The following ACOT12 variants were observed in gnomAD, a reference collection of about 807,000 sequenced individuals.
ACOT12 encodes acyl-CoA thioesterase 12.
In ACOT12, 51 loss-of-function variants were observed where a neutral mutation model predicts 67.7. The ratio of observed to expected loss-of-function variants is 0.75; its 90% confidence interval spans 0.60 to 0.95. ACOT12 has a LOEUF of 0.95. ACOT12 is among the 40% of genes least tolerant of loss of function. ACOT12 has a pLI of 0.00. For synonymous variants in ACOT12, 251 were observed against 244.6 expected, an observed-to-expected ratio of 1.03 and a Z score of -0.24; for missense variants, 734 against 708.1, an observed-to-expected ratio of 1.04 and a Z score of -0.41.
chr5:81,337,367 G>A (rs1017206937), intron 11 of ACOT12, among the ~76,000 whole-genome samples: 4 of 152,234 alleles, frequency 2.6e-5, no homozygotes, highest in African/African-American at 7.2e-5. Flanking sequence ...CTTATTAAGA[G>A]TTGAATTATT....
chr5:81,367,101 C>T (rs527299802), intron 3 of ACOT12, among the ~76,000 whole-genome samples: 2 of 152,198 alleles, frequency 1.3e-5, no homozygotes, highest in South Asian at 2.1e-4. Context: ...AATTCTATAC[C>T]TACTGAATAT....
intron 2 of ACOT12, among the ~76,000 whole-genome samples, chr5:81,381,866 C>T (rs1760593161): frequency 1.3e-5 from 2 of 152,142 alleles, no homozygotes; most frequent in Non-Finnish European, 2.9e-5. Flanking sequence ...AGCTTAACCA[C>T]ATGGAAAATG....
At chr5:81,364,103 T>G (rs1316394399) in intron 3 of ACOT12, among the ~76,000 whole-genome samples, 1 of 152,060 alleles carries the variant, frequency 6.6e-6, no homozygotes, top group Non-Finnish European at 1.5e-5. Context: ...ATTTACCATG[T>G]CAAATTTATG....
At chr5:81,340,108 G>A (rs1759143672) in intron 11 of ACOT12, among the ~76,000 whole-genome samples, 1 of 151,700 alleles carries the variant, frequency 6.6e-6, no homozygotes, top group Non-Finnish European at 1.5e-5. Flanking sequence ...CACAATCTCG[G>A]CTCACTGCAA....
chr5:81,354,688 T>C (rs1308084581), intron 5 of ACOT12, among the ~76,000 whole-genome samples: 1 of 149,856 alleles, frequency 6.7e-6, no homozygotes, highest in Non-Finnish European at 1.5e-5. Context: ...TCAATAATTA[T>C]TTTTATCAAT....
chr5:81,325,124 T>A (rs368684522), downstream of ACOT12, among the ~76,000 whole-genome samples: 50 of 151,950 alleles, frequency 3.3e-4, no homozygotes, highest in African/African-American at 1.0e-3. Flanking sequence ...CTGCTAGGGG[T>A]AGAGATATTT....
intron 12 of ACOT12, among the ~76,000 whole-genome samples, chr5:81,334,278 C>A (rs1247299998): frequency 2.0e-5 from 3 of 152,162 alleles, no homozygotes; most frequent in African/African-American, 7.2e-5. Context: ...AGGGTCTGAT[C>A]GAGCTGATTA....
At chr5:81,362,291 A>G (rs1009196240) in intron 4 of ACOT12, among the ~76,000 whole-genome samples, 25 of 149,836 alleles carry the variant, frequency 1.7e-4, no homozygotes, top group Non-Finnish European at 2.1e-4. Flanking sequence ...TCAGCTTCCC[A>G]AGTAGCTGGG....
At chr5:81,320,020 C>T in the ACOT12 span, among the ~76,000 whole-genome samples, 9 of 152,058 alleles carry the variant, frequency 5.9e-5, no homozygotes, top group African/African-American at 9.7e-5. Flanking sequence ...TAGACTAGGG[C>T]GGTGAATGTG....
intron 8 of ACOT12, among the ~76,000 whole-genome samples, chr5:81,344,506 GA>G (rs1420286577): frequency 1.3e-5 from 2 of 152,302 alleles, no homozygotes; most frequent in Admixed American, 1.3e-4. Flanking sequence ...AGAGTTTTTA[GA>G]AAAAATTAAC....
intron 3 of ACOT12, among the ~76,000 whole-genome samples, chr5:81,371,506 G>T (rs1440100350): frequency 6.6e-6 from 1 of 152,066 alleles, no homozygotes; most frequent in Non-Finnish European, 1.5e-5. Context: ...TCCTGTCTCA[G>T]CCTCTCAAAG....
At chr5:81,324,739 A>G in the ACOT12 span, among the ~76,000 whole-genome samples, 28,712 of 152,188 alleles carry the variant, frequency 0.19, 2,904 homozygotes, top group Admixed American at 0.28. Context: ...GAAGTCAAGA[A>G]GAGAAAATGT....
chr5:81,325,122 G>C (rs1374089988), downstream of ACOT12, among the ~76,000 whole-genome samples: 1 of 152,172 alleles, frequency 6.6e-6, no homozygotes, highest in Admixed American at 6.5e-5. Flanking sequence ...CTCTGCTAGG[G>C]GTAGAGATAT....
At chr5:81,337,576 A>G (rs1759044402) in intron 11 of ACOT12, among the ~76,000 whole-genome samples, 1 of 152,188 alleles carries the variant, frequency 6.6e-6, no homozygotes, top group Admixed American at 6.5e-5. Context: ...GCTTATAGGG[A>G]GAACACATGT....
the ACOT12 span, chr5:81,311,411 G>A: frequency 1.1e-6 from 1 of 940,526 alleles, no homozygotes; most frequent in Non-Finnish European, 1.7e-6. Context: ...CTGTAGCAAT[G>A]ACTTAATCTC....
chr5:81,351,648 C>A (rs768940092), intron 5 of ACOT12, among the ~76,000 whole-genome samples: 3 of 152,094 alleles, frequency 2.0e-5, no homozygotes, highest in Non-Finnish European at 2.9e-5. Flanking sequence ...AACTATAAAA[C>A]CATTATAGGA....
the ACOT12 span, among the ~76,000 whole-genome samples, chr5:81,317,163 C>A: frequency 6.6e-6 from 1 of 152,006 alleles, no homozygotes; most frequent in African/African-American, 2.4e-5. Context: ...TAGTCCGTTC[C>A]CACACTGCTA....
At chr5:81,308,740 G>T in the ACOT12 span, 4 of 1,589,822 alleles carry the variant, frequency 2.5e-6, no homozygotes, top group Admixed American at 3.7e-5. Context: ...TTTTTGTTTT[G>T]TTCATGGGGA....
intron 1 of ACOT12, among the ~76,000 whole-genome samples, chr5:81,393,696 G>T (rs538148292): frequency 4.5e-4 from 67 of 150,148 alleles, no homozygotes; most frequent in African/African-American, 1.6e-3. Context: ...CAGCCCGGGA[G>T]AGAGCTCAAC....
Sources: gnomAD v4.1 joint callset for allele counts (sites outside exome capture counted in the v4.1 genomes callset) on GRCh38, gnomAD v4.1.1 for gene constraint, MANE v1.5 for transcripts, NCBI Gene and HGNC (gene_info 2026-07-23, HGNC 2026-07-21) for gene names.